Variants in LCT observed in about 807,000 individuals in gnomAD.
LCT encodes lactase/phlorizin hydrolase.
LCT carries 90 observed loss-of-function variants against 173.0 expected under a neutral mutation model. The ratio of observed to expected loss-of-function variants is 0.52; its 90% CI spans 0.44 to 0.62. The LOEUF (loss-of-function observed/expected upper bound fraction) is 0.62. LCT is among the 20% of genes least tolerant of loss of function. LCT has a pLI of 0.00. For missense variants in LCT, 1,864 were observed against 2,431.4 expected, an observed-to-expected ratio of 0.77 and a Z score of 4.91; for synonymous variants, 853 against 957.6, an observed-to-expected ratio of 0.89 and a Z score of 2.02.
Position 135,789,694 on chromosome 2 carries a change from T to C in LCT, c.5440A>G (p.Asn1814Asp). The stretch of plus-strand genomic sequence containing the variant: ...CTTGGCAGAGAAGGGTCACTGTAGT[T>C]CACAAAATGCAGACCAAATCTCTCT... ...FSERFGLHFVNYSDPSLPRIP... is the reference protein window; with the variant it reads ...FSERFGLHFVDYSDPSLPRIP... Residue 1814 changes from asparagine to aspartate, a missense_variant, in exon 16 of 17, where the codon AAC becomes GAC. Asn to Asp is a conservative substitution (Grantham distance 23, BLOSUM62 1). This residue lies in a region of LCT where 514 missense variants were observed against 750.1 expected (regional missense o/e 0.69). Coordinates refer to ENST00000264162, the MANE Select transcript of LCT (RefSeq NM_002299.4). 1 of 1,614,146 alleles carries C rather than the reference T, an allele frequency of 6.2e-7. No homozygotes were observed. Among genetic ancestry groups the C allele is most frequent in the Non-Finnish European group, 8.5e-7 (1 of 1,180,004 alleles).
rs1186436658 is a variant in LCT, at chr2:135,809,239, A to G, written c.3108T>C (p.Pro1036=). The G allele has an allele frequency of 6.2e-7, 1 of 1,614,136 alleles. No homozygotes were observed. Among genetic ancestry groups the G allele is most frequent in the Non-Finnish European group, 8.5e-7 (1 of 1,180,054 alleles). The change falls in exon 8 of 17, where the codon CCT becomes CCC. Residue 1036 remains proline (P), a synonymous_variant. Transcript: ENST00000264162. The surrounding 1 kb of genome is among the most constrained non-coding windows in gnomAD (Gnocchi z 5.5). ...ALQDIGGWEN[P]ALIDLFDSYA... ...AGCTGTCAAACAAGTCAATCAAGGC[A>G]GGATTCTCCCAGCCTCCGATATCCT...
chr2:135,804,299 G>A (rs2077650798), intron 10 of LCT, among the ~76,000 whole-genome samples, 171 bp from the exon 11 acceptor site: 1 of 152,168 alleles, frequency 6.6e-6, no homozygotes, highest in South Asian at 2.1e-4. Flanking sequence ...TGCTTTCAGG[G>A]AGAACTAGAT....
rs771086437 is a variant in LCT, at chr2:135,803,958, C to T, written c.4635G>A (p.Gln1545=). ...TLNEPFVIAY[Q]GYGYGTAAPG... ...GAGCTGCTGTTCCGTAGCCATAGCC[C>T]TGGTAAGCAATGACAAAGGGCTCAT... is the stretch of plus-strand genomic sequence containing the variant. Residue 1545 remains glutamine, a synonymous_variant, in exon 11 of 17, where the codon CAG becomes CAA. Transcript: ENST00000264162. The T allele has an allele frequency of 6.2e-7, 1 of 1,614,160 alleles. No individual in the cohort carries two copies. The highest frequency in any genetic ancestry group is 8.5e-7 in the Non-Finnish European group (1 of 1,180,014).
intron 12 of LCT, 101 bp downstream of exon 12, chr2:135,800,506 T>G (rs956670795): frequency 1.5e-4 from 148 of 1,013,914 alleles, no homozygotes; most frequent in African/African-American, 2.9e-4. Flanking sequence ...ATTATAGACA[T>G]GAGCCACCAC....
At chr2:135,800,968 T>C (rs2077621776) in intron 11 of LCT, among the ~76,000 whole-genome samples, 159 bp from the exon 12 acceptor site, 2 of 152,218 alleles carry the variant, frequency 1.3e-5, no homozygotes, top group African/African-American at 4.8e-5. Context: ...TCCCTCTTAT[T>C]ACCTGGCTGT....
At chr2:135,797,444 A>AG (rs2077591266) in intron 13 of LCT, among the ~76,000 whole-genome samples, 1 of 152,186 alleles carries the variant, frequency 6.6e-6, no homozygotes. Context: ...TCAAGCCCCC[A>AG]GCATGCGCCC....
intron 6 of LCT, among the ~76,000 whole-genome samples, chr2:135,816,397 A>G (rs543406040): frequency 2.0e-5 from 3 of 152,218 alleles, no homozygotes; most frequent in African/African-American, 7.2e-5. Context: ...ACACAGGGAC[A>G]CTTCTGTTGG....
chr2:135,828,197 G>A (rs2077902405), intron 3 of LCT, among the ~76,000 whole-genome samples: 9 of 152,084 alleles, frequency 5.9e-5, no homozygotes. Context: ...TCTAATTTTT[G>A]TATTTTTAGT....
At chr2:135,796,233 G>T (rs2077580608) in intron 13 of LCT, among the ~76,000 whole-genome samples, 1 of 152,204 alleles carries the variant, frequency 6.6e-6, no homozygotes. Flanking sequence ...CCCTGCTGAG[G>T]CCTCTGACAC....
chr2:135,818,710 G>A (rs2077802315), intron 5 of LCT, among the ~76,000 whole-genome samples: 1 of 152,178 alleles, frequency 6.6e-6, no homozygotes. Context: ...GGTGGTGGGG[G>A]CCTGTAATCC....
In LCT at chr2:135,832,972, G is replaced by C. The variant is rs2077951746; in HGVS notation, c.720+139C>G. On this transcript the variant is annotated intron_variant, in intron 2 of 16. Transcript: ENST00000264162. ...AAGATTTTGTTTTTAAGGTAATTAT[G>C]AACCTGGAGAACATACACCACTCAT... 4.0e-6 allele frequency: 3 copies of C among 755,808 alleles called. No individual in the cohort carries two copies. In the South Asian group the frequency reaches 4.3e-5, roughly 11 times the overall value. 46.8% of individuals were successfully genotyped at this position (755,808 alleles called of 1,614,324 possible). A position where few individuals can be genotyped will look rare whatever the true frequency, so the allele number is the denominator to read the frequency against.
intron 6 of LCT, among the ~76,000 whole-genome samples, chr2:135,813,321 A>C (rs2077751545): frequency 6.6e-6 from 1 of 152,232 alleles, no homozygotes; most frequent in South Asian, 2.1e-4. Context: ...ATCAATACCA[A>C]CATGAACGGC....
At position 135,794,685 on chromosome 2, in the gene LCT, G is replaced by A; in HGVS notation, c.5067C>T (p.Tyr1689=). ...AGATGGCAGTGGCATAGTTGAGGTTGTAGGCGAGGACAGTGGTGTAGTGAT... is the reference window on the plus strand; with the variant it reads ...AGATGGCAGTGGCATAGTTGAGGTTATAGGCGAGGACAGTGGTGTAGTGAT... ...GFNHYTTVLA[Y]NLNYATAISS... The change falls in exon 14 of 17, where the codon TAC becomes TAT. Residue 1689 remains tyrosine, a synonymous_variant. Coordinates refer to ENST00000264162, the MANE Select transcript of LCT (RefSeq NM_002299.4). 2.5e-6 allele frequency: 4 copies of A among 1,614,192 alleles called. No individual in the cohort carries two copies. The highest frequency in any genetic ancestry group is 3.4e-6 in the Non-Finnish European group (4 of 1,180,004).
Position 135,788,122 on chromosome 2 carries a change from C to T in LCT, c.*202G>A. On this transcript the variant is annotated 3_prime_UTR_variant, in exon 17 of 17. Coordinates refer to ENST00000264162, the MANE Select transcript of LCT (RefSeq NM_002299.4). ...TGCTTCTCAAATGCCCAAATGAACT[C>T]TGATACTGGAGCAAGATGGAGATAT... The T allele has an allele frequency of 1.6e-6, 1 of 611,258 alleles. No homozygotes were observed. Among genetic ancestry groups the T allele is most frequent in the East Asian group, 2.8e-5 (1 of 36,160 alleles). The allele number at this position is 611,258 out of a possible 1,614,324, so 37.9% of individuals were successfully genotyped here.
Position 135,788,064 on chromosome 2 carries a change from G to C in LCT, c.*260C>G. 1 of 509,334 alleles carries C rather than the reference G, an allele frequency of 2.0e-6. No homozygotes were observed. Among genetic ancestry groups the C allele is most frequent in the Non-Finnish European group, 3.6e-6 (1 of 281,016 alleles). 31.6% of individuals were successfully genotyped at this position (509,334 alleles called of 1,614,324 possible). ...AATTAAGTGGTTCACAGACCCACTA[G>C]ACCAGTATCTACACGTTTCCGCAAG... On this transcript the variant is annotated 3_prime_UTR_variant, in exon 17 of 17. Coordinates refer to ENST00000264162, the MANE Select transcript of LCT (RefSeq NM_002299.4).
chr2:135,793,330 T>A (rs1193636814), intron 14 of LCT, among the ~76,000 whole-genome samples: 2 of 152,286 alleles, frequency 1.3e-5, no homozygotes, highest in East Asian at 3.9e-4. Context: ...CCAGTTCAGA[T>A]CCCAGTAATT....
rs1472616986 is a variant in LCT at position 135,817,820 on chromosome 2, T to C, written c.1228A>G (p.Ile410Val). ...TTCAGGGGCCTGCGTGGATCCCAGA[T>C]GCTCACCCCTCTCCCACCCTCGGCC... ...GWAEGGRGVS[I>V]WDPRRPLNTT... Residue 410 changes from isoleucine to valine, a missense_variant, in exon 6 of 17, where the codon ATC (isoleucine) becomes GTC (valine). Ile to Val is a conservative substitution (Grantham distance 29). Transcript: ENST00000264162. The C allele has an allele frequency of 6.2e-7, 1 of 1,614,040 alleles. No individual in the cohort carries two copies. Among genetic ancestry groups the C allele is most frequent in the Non-Finnish European group, 8.5e-7 (1 of 1,180,028 alleles).
chr2:135,829,830 A>AGTGTGTGTGTGTGTGTGT (rs60681905), intron 2 of LCT, among the ~76,000 whole-genome samples, 154 bp from the exon 3 acceptor site: 2 of 146,606 alleles, frequency 1.4e-5, no homozygotes, highest in Non-Finnish European at 3.0e-5. Context: ...GGAATGAGAA[A>AGTGTGTGTGTGTGTGTGT]GTGTGTGTGT....
chr2:135,824,286 G>C (rs2077864566), intron 3 of LCT, among the ~76,000 whole-genome samples: 1 of 152,186 alleles, frequency 6.6e-6, no homozygotes, highest in Non-Finnish European at 1.5e-5. Context: ...TTAGGATCAG[G>C]AACAAGGCCA....
Sources: gnomAD v4.1 joint callset for allele counts (sites outside exome capture counted in the v4.1 genomes callset) on GRCh38, gnomAD v4.1.1 for gene constraint, gnomAD v4.1.1 regional missense constraint, Gnocchi (gnomAD v3.1) non-coding constraint, MANE v1.5 for transcripts, NCBI Gene and HGNC (gene_info 2026-07-23, HGNC 2026-07-21) for gene names.